The following PTPRD variants were observed in gnomAD, a reference collection of about 807,000 sequenced individuals.
PTPRD encodes the protein receptor-type tyrosine-protein phosphatase delta.
In PTPRD, 34 loss-of-function variants were observed where a neutral mutation model predicts 214.5. The observed-to-expected ratio is 0.16, with a 90% CI of 0.12 to 0.21. The LOEUF is 0.21. Among genes scored for constraint, PTPRD ranks in the 10% least tolerant of loss-of-function variants. The pLI is 1.00. For missense variants in PTPRD, 2,545 were observed against 2,398.7 expected (o/e 1.06, Z -1.27); for synonymous variants, 1,128 against 845.7 (o/e 1.33, Z -5.79).
Position 9,255,333 on chromosome 9 carries a change from C to T in PTPRD, c.-202-71970G>A, listed in dbSNP as rs116104427. On this transcript the variant is annotated intron_variant, in intron 9 of 45. Coordinates refer to ENST00000381196, the MANE Select transcript of PTPRD (RefSeq NM_002839.4). ...TGTATCAATAATTTCCTTTAAAAGC[C>T]ATTTGCTTCTTAAGGTGACCAGAAG... is the stretch of plus-strand genomic sequence containing the variant. Among the ~76,000 whole-genome samples the T allele has an allele frequency of 7.4e-3, 1,124 of 152,104 alleles. 15 individuals carry two copies. Among genetic ancestry groups the T allele is most frequent in the African/African-American group, 0.026 (1,076 of 41,528 alleles).
chr9:10,463,212 T>G (rs1337938800), intron 2 of PTPRD, among the ~76,000 whole-genome samples: 1 of 152,086 alleles, frequency 6.6e-6, no homozygotes, highest in Non-Finnish European at 1.5e-5. Context: ...ATAACTTGTT[T>G]CTGGGTGCTA....
At chr9:9,530,899 G>A (rs966857497) in intron 8 of PTPRD, among the ~76,000 whole-genome samples, 6 of 152,078 alleles carry the variant, frequency 3.9e-5, no homozygotes, top group Non-Finnish European at 8.8e-5. Context: ...TGGGTGGGAG[G>A]TGGATGATGA....
intron 2 of PTPRD, among the ~76,000 whole-genome samples, chr9:10,414,429 CA>C (rs1180601944): frequency 6.6e-6 from 1 of 151,698 alleles, no homozygotes; most frequent in Non-Finnish European, 1.5e-5. Flanking sequence ...ATTAAAAAGT[CA>C]AAACATAATA....
rs201125148 is a variant in PTPRD, at chr9:10,432,185, A to G, written c.-599-91168T>C. 6.0e-5 allele frequency among the ~76,000 whole-genome samples: 9 copies of G among 150,858 alleles called. No individual in the cohort carries two copies. In the South Asian group the frequency reaches 1.9e-3, roughly 32 times the overall value. On this transcript the variant is annotated intron_variant, in intron 2 of 45. Transcript: ENST00000381196. ...ATCATTCTCAGTAAACTATCGCAAG[A>G]ACAAAAAACCAAACACCGCATATTC...
In PTPRD at chr9:9,766,001, T is replaced by A. The variant is rs2098704286; in HGVS notation, c.-326+809A>T. On this transcript the variant is annotated intron_variant, in intron 6 of 45. Transcript: ENST00000381196. ...ATGTTAGTTCAAGCAATTTTTCTCT[T>A]GTTAATTTCTCTTTAGAGAAGCCGT... Among the ~76,000 whole-genome samples the A allele has an allele frequency of 3.3e-5, 5 of 152,198 alleles. No homozygotes were observed. The South Asian group carries it at 1.0e-3, about 32-fold the overall frequency.
chr9:9,401,013 T>C (rs1198463401), intron 8 of PTPRD, among the ~76,000 whole-genome samples: 4 of 152,162 alleles, frequency 2.6e-5, no homozygotes, highest in Middle Eastern at 6.8e-3. Flanking sequence ...ATCATATGAT[T>C]TGTTGGAAAA....
At chr9:8,401,161 A>G (rs1385884676) in intron 36 of PTPRD, among the ~76,000 whole-genome samples, 1 of 109,308 alleles carries the variant, frequency 9.1e-6, no homozygotes, top group Non-Finnish European at 1.8e-5. Flanking sequence ...GAAAATATTT[A>G]CCTTTTCTTT....
At chr9:9,886,934 C>T (rs2071166109) in intron 5 of PTPRD, among the ~76,000 whole-genome samples, 1 of 152,062 alleles carries the variant, frequency 6.6e-6, no homozygotes, top group Non-Finnish European at 1.5e-5. Flanking sequence ...CCAGATGCTC[C>T]AGTTCTTGTC....
chr9:8,319,718 A>T, intron 45 of PTPRD, 113 bp downstream of exon 45: 1 of 1,317,090 alleles, frequency 7.6e-7, no homozygotes, highest in African/African-American at 1.5e-5. Flanking sequence ...AAACAGTTTG[A>T]TGCTTTCCCC....
chr9:9,751,270 T>C (rs557362384), intron 6 of PTPRD, among the ~76,000 whole-genome samples: 2 of 152,260 alleles, frequency 1.3e-5, no homozygotes, highest in South Asian at 4.1e-4. Context: ...GGCTTATTTA[T>C]TCATTTATTT....
At chr9:9,639,236 A>C (rs868183096) in intron 7 of PTPRD, among the ~76,000 whole-genome samples, 13 of 152,196 alleles carry the variant, frequency 8.5e-5, no homozygotes, top group African/African-American at 3.1e-4. Context: ...AAGCTCCATG[A>C]AAGTAGACTC....
At chr9:9,468,003 G>A (rs1387939700) in intron 8 of PTPRD, among the ~76,000 whole-genome samples, 1 of 151,940 alleles carries the variant, frequency 6.6e-6, no homozygotes, top group East Asian at 1.9e-4. Flanking sequence ...CACTATCCTT[G>A]AATAGTGATT....
At chr9:10,562,109 T>A (rs79900907) in intron 2 of PTPRD, among the ~76,000 whole-genome samples, 1,609 of 152,222 alleles carry the variant, frequency 0.011, 30 homozygotes, top group African/African-American at 0.036. Context: ...TATTTACTGC[T>A]CTATCTCATT....
intron 3 of PTPRD, among the ~76,000 whole-genome samples, chr9:10,273,350 G>A (rs2094519614): frequency 6.6e-6 from 1 of 152,034 alleles, no homozygotes; most frequent in East Asian, 1.9e-4. Flanking sequence ...GGAATATTGT[G>A]AAGAATATAT....
intron 7 of PTPRD, among the ~76,000 whole-genome samples, chr9:9,689,623 C>G (rs1014751786): frequency 1.3e-5 from 2 of 151,688 alleles, no homozygotes; most frequent in African/African-American, 2.4e-5. Flanking sequence ...TATTAAGGAA[C>G]CTCTGTTTAT....
At chr9:9,295,676 G>A (rs1246526793) in intron 9 of PTPRD, among the ~76,000 whole-genome samples, 1 of 151,734 alleles carries the variant, frequency 6.6e-6, no homozygotes, top group African/African-American at 2.4e-5. Context: ...TAACCAGATG[G>A]TAGTATGTGT....
intron 3 of PTPRD, among the ~76,000 whole-genome samples, chr9:10,069,671 AAT>A (rs2097957533): frequency 6.6e-6 from 1 of 152,044 alleles, no homozygotes; most frequent in Admixed American, 6.6e-5. Context: ...AAAAGATTTC[AAT>A]TTTAAAATTA....
intron 14 of PTPRD, among the ~76,000 whole-genome samples, chr9:8,612,001 G>A (rs894040834): frequency 6.7e-6 from 1 of 149,654 alleles, no homozygotes; most frequent in Admixed American, 6.6e-5. Context: ...GGGTTTGGGA[G>A]GGGAGGGAAA....
rs566586572 is a variant in PTPRD, at chr9:9,945,819, T to G, written c.-471-7209A>C. Reference sequence around the variant, plus strand: ...AATTGAAATCCAATAGACCATGTTCTCTGACCATAATCAAAATAAGTTAAA... The same window carrying G: ...AATTGAAATCCAATAGACCATGTTCGCTGACCATAATCAAAATAAGTTAAA... On this transcript the variant is annotated intron_variant, in intron 4 of 45. Transcript: ENST00000381196. Among the ~76,000 whole-genome samples the G allele has an allele frequency of 2.0e-5, 3 of 152,258 alleles. No individual in the cohort carries two copies. The East Asian group carries it at 5.8e-4, about 29-fold the overall frequency.
Sources: gnomAD v4.1 joint callset for allele counts (sites outside exome capture counted in the v4.1 genomes callset) on GRCh38, gnomAD v4.1.1 for gene constraint, MANE v1.5 for transcripts, NCBI Gene and HGNC (gene_info 2026-07-23, HGNC 2026-07-21) for gene names.